The following RIMS2 variants were observed in gnomAD, a reference collection of about 807,000 sequenced individuals.
RIMS2 encodes regulating synaptic membrane exocytosis 2, also known as regulating synaptic membrane exocytosis protein 2.
RIMS2 carries 59 observed loss-of-function variants against 174.4 expected under a neutral mutation model. The observed-to-expected ratio is 0.34, with a 90% CI of 0.27 to 0.42. The LOEUF (loss-of-function observed/expected upper bound fraction) is 0.42, where lower values mean the gene tolerates loss of function less well. Among genes scored for constraint, RIMS2 ranks in the 10% least tolerant of loss-of-function variants. The probability of loss-of-function intolerance (pLI) is 1.00; values close to 1 mark genes in which losing one functional copy is unlikely to be tolerated. For missense variants in RIMS2, 1,620 were observed against 1,666.3 expected (o/e 0.97, Z 0.48); for synonymous variants, 606 against 572.5 (o/e 1.06, Z -0.84).
At chr8:103,696,736 G>A (rs1009122492) in intron 1 of RIMS2, among the ~76,000 whole-genome samples, 18 of 151,728 alleles carry the variant, frequency 1.2e-4, no homozygotes, top group African/African-American at 4.1e-4. Flanking sequence ...GGTGGTGTGT[G>A]CCTGTAGTCC....
intron 12 of RIMS2, among the ~76,000 whole-genome samples, chr8:103,932,464 A>G (rs958479708): frequency 6.6e-6 from 1 of 152,240 alleles, no homozygotes; most frequent in African/African-American, 2.4e-5. Flanking sequence ...ATCAAAAGTT[A>G]TTAGAAACTG....
At chr8:103,986,233 G>A (rs531282705) in intron 16 of RIMS2, among the ~76,000 whole-genome samples, 1 of 152,026 alleles carries the variant, frequency 6.6e-6, no homozygotes, top group East Asian at 1.9e-4. Context: ...AATTTTTAAC[G>A]AAAATAGAGA....
intron 1 of RIMS2, among the ~76,000 whole-genome samples, chr8:103,572,643 T>C (rs948034598): frequency 2.6e-5 from 4 of 152,192 alleles, no homozygotes; most frequent in African/African-American, 9.7e-5. Flanking sequence ...TTTGCGTTTC[T>C]CCAATGATTA....
intron 1 of RIMS2, among the ~76,000 whole-genome samples, chr8:103,647,014 G>A (rs7835266): frequency 0.18 from 26,917 of 151,762 alleles, 2,603 homozygotes; most frequent in African/African-American, 0.24. Context: ...TTTTTTCCAT[G>A]CCTAGTTGAG....
chr8:104,024,244 C>T (rs951795375), intron 19 of RIMS2, among the ~76,000 whole-genome samples: 2 of 152,136 alleles, frequency 1.3e-5, no homozygotes, highest in African/African-American at 2.4e-5. Context: ...CACGTGGCCT[C>T]GAACCTTTTG....
At chr8:104,250,649 TG>T (rs2099356163) in intron 22 of RIMS2, among the ~76,000 whole-genome samples, 1 of 152,192 alleles carries the variant, frequency 6.6e-6, no homozygotes, top group Non-Finnish European at 1.5e-5. Flanking sequence ...TCACTATTTG[TG>T]GGGATGAGTG....
At chr8:103,914,520 C>T (rs1002718175) in intron 6 of RIMS2, among the ~76,000 whole-genome samples, 1 of 151,952 alleles carries the variant, frequency 6.6e-6, no homozygotes, top group Non-Finnish European at 1.5e-5. Context: ...TTTGTTAAGC[C>T]AAAAAGTTTT....
At chr8:103,674,094 T>C (rs1011623535) in intron 1 of RIMS2, among the ~76,000 whole-genome samples, 7 of 152,244 alleles carry the variant, frequency 4.6e-5, no homozygotes, top group African/African-American at 1.7e-4. Context: ...ATAACATGCA[T>C]GACATTTGTT....
rs556936963 is a variant in RIMS2 at position 104,195,184 on chromosome 8, G to C, written c.3335-49732G>C. ...TTAGAGATTATGAGGCCCTGAATTA[G>C]GGATTAAGAAGAATTGATTTTATAG... On this transcript the variant is annotated intron_variant, in intron 19 of 23. Transcript: ENST00000504942. Among the ~76,000 whole-genome samples the C allele has an allele frequency of 1.4e-4, 22 of 152,274 alleles. No homozygotes were observed. In the South Asian group the frequency reaches 4.6e-3, roughly 32 times the overall value.
chr8:104,195,600 C>T (rs1050806271), intron 19 of RIMS2, among the ~76,000 whole-genome samples: 5 of 151,404 alleles, frequency 3.3e-5, no homozygotes, highest in Non-Finnish European at 2.9e-5. Context: ...CTGCAACCTC[C>T]GCCTCCTGGG....
At chr8:103,864,649 G>A (rs1369798018) in intron 3 of RIMS2, among the ~76,000 whole-genome samples, 1 of 152,158 alleles carries the variant, frequency 6.6e-6, no homozygotes, top group Non-Finnish European at 1.5e-5. Context: ...CACTTGCTGT[G>A]TGCTAGGCAT....
chr8:103,662,677 T>C (rs999509653), intron 1 of RIMS2, among the ~76,000 whole-genome samples: 3 of 40,628 alleles, frequency 7.4e-5, no homozygotes, highest in African/African-American at 2.6e-4. Flanking sequence ...GAAGAGTCTA[T>C]CTATCTATCT....
intron 3 of RIMS2, among the ~76,000 whole-genome samples, chr8:103,770,270 A>G (rs1341564093): frequency 1.3e-5 from 2 of 152,152 alleles, no homozygotes; most frequent in Non-Finnish European, 1.5e-5. Context: ...GAAAGACCAT[A>G]TGGGTCTCAA....
At chr8:103,958,133 C>A (rs1008870249) in intron 14 of RIMS2, among the ~76,000 whole-genome samples, 4 of 152,088 alleles carry the variant, frequency 2.6e-5, no homozygotes, top group African/African-American at 9.7e-5. Context: ...TTCGCAATAG[C>A]AAAGACATGG....
At chr8:103,630,701 T>A (rs143161364) in intron 1 of RIMS2, among the ~76,000 whole-genome samples, 1 of 150,570 alleles carries the variant, frequency 6.6e-6, no homozygotes, top group Non-Finnish European at 1.5e-5. Flanking sequence ...TAGAAAACTA[T>A]GAAAAGAGAT....
Position 104,224,421 on chromosome 8 carries a change from T to C in RIMS2, c.3335-20495T>C, listed in dbSNP as rs527529983. Among the ~76,000 whole-genome samples the C allele has an allele frequency of 1.4e-3, 220 of 152,324 alleles. 1 individual carries two copies. Among genetic ancestry groups the C allele is most frequent in the Admixed American group, 3.5e-3 (53 of 15,300 alleles). ...ACCAGTTGATTTGGAGTTCGTAAAG[T>C]TTTGAATAACATAACATGTATTTTC... On this transcript the variant is annotated intron_variant, in intron 19 of 23. Transcript: ENST00000504942.
At chr8:104,127,499 T>C (rs919167997) in intron 19 of RIMS2, among the ~76,000 whole-genome samples, 1 of 152,176 alleles carries the variant, frequency 6.6e-6, no homozygotes, top group African/African-American at 2.4e-5. Flanking sequence ...TAGCATTGTG[T>C]TAAGAGTGCA....
At chr8:103,593,284 T>C (rs1048368618) in intron 1 of RIMS2, among the ~76,000 whole-genome samples, 2 of 151,456 alleles carry the variant, frequency 1.3e-5, no homozygotes, top group African/African-American at 2.4e-5. Context: ...TGTAATATGT[T>C]AACATTTAGA....
chr8:104,038,076 C>G (rs1178380200), intron 19 of RIMS2, among the ~76,000 whole-genome samples: 2 of 151,924 alleles, frequency 1.3e-5, no homozygotes, highest in Non-Finnish European at 2.9e-5. Flanking sequence ...TGTAATTACA[C>G]TCTATAATAC....
Sources: allele counts gnomAD v4.1 joint callset (sites outside exome capture counted in the v4.1 genomes callset), GRCh38; gene constraint gnomAD v4.1.1; transcripts MANE v1.5; gene names NCBI Gene and HGNC (gene_info 2026-07-23, HGNC 2026-07-21).